The following NALCN variants were observed in gnomAD, a reference collection of about 807,000 sequenced individuals.
NALCN encodes the protein sodium leak channel NALCN.
Under a neutral mutation model 225.3 loss-of-function variants are expected in NALCN, and 111 were observed. That is an observed-to-expected ratio of 0.49 (90% confidence interval 0.42 to 0.58). NALCN has a LOEUF of 0.58. Ranked by LOEUF, NALCN falls within the 20% of genes least tolerant of loss-of-function variation. The pLI, the probability that NALCN is intolerant of heterozygous loss-of-function variation, is 0.00. For missense variants in NALCN, 1,378 were observed against 2,202.4 expected (o/e 0.63, Z 7.49); for synonymous variants, 764 against 769.0 (o/e 0.99, Z 0.11).
intron 1 of NALCN, among the ~76,000 whole-genome samples, chr13:101,407,025 G>A (rs76285093): frequency 0.022 from 3,408 of 152,260 alleles, 113 homozygotes; most frequent in East Asian, 0.11. Context: ...AAGAATGTAT[G>A]TAATTTTTTA....
intron 13 of NALCN, among the ~76,000 whole-genome samples, chr13:101,209,676 T>C (rs940079009): frequency 5.9e-5 from 9 of 152,216 alleles, no homozygotes; most frequent in African/African-American, 2.2e-4. Context: ...TAGTGAGTAA[T>C]ACAGGAAAGT....
chr13:101,346,057 T>TTCTCTCTCTCTCTCTCTCTC (rs767899309), intron 6 of NALCN, among the ~76,000 whole-genome samples: 34 of 75,524 alleles, frequency 4.5e-4, no homozygotes, highest in Middle Eastern at 9.1e-3. Flanking sequence ...TTGAGAGACT[T>TTCTCTCTCTCTCTCTCTCTC]TCTCTCTCTC....
intron 15 of NALCN, among the ~76,000 whole-genome samples, chr13:101,161,741 G>T (rs569651490): frequency 6.6e-6 from 1 of 152,080 alleles, no homozygotes; most frequent in Non-Finnish European, 1.5e-5. Context: ...GAGTGGTGGC[G>T]CACGCCTGTA....
intron 15 of NALCN, among the ~76,000 whole-genome samples, chr13:101,174,849 T>C (rs1594365701): frequency 6.6e-6 from 1 of 152,288 alleles, no homozygotes; most frequent in East Asian, 1.9e-4. Context: ...TCTCAGAGGA[T>C]AGTACATATC....
chr13:101,235,851 G>A (rs1292722070), intron 12 of NALCN, among the ~76,000 whole-genome samples: 1 of 152,156 alleles, frequency 6.6e-6, no homozygotes, highest in Non-Finnish European at 1.5e-5. Flanking sequence ...GGTACTAAAA[G>A]TGTCTAGTTA....
chr13:101,133,897 C>T (rs1003470424), intron 17 of NALCN, among the ~76,000 whole-genome samples: 5 of 152,198 alleles, frequency 3.3e-5, no homozygotes, highest in Admixed American at 6.5e-5. Context: ...AGGCCAGGTG[C>T]GGTGGCTCAC....
Position 101,321,584 on chromosome 13 carries a change from T to C in NALCN, c.799+23682A>G, listed in dbSNP as rs572929745. ...TTCAAATACAGAACTATTCCCATGG[T>C]ACACAAGGAGACTCATGCAAGTATA... On this transcript the variant is annotated intron_variant, in intron 7 of 43. Transcript: ENST00000251127. Among the ~76,000 whole-genome samples, 3 of 152,236 alleles carry C rather than the reference T, an allele frequency of 2.0e-5. No individual in the cohort carries two copies. The East Asian group carries it at 5.8e-4, about 29-fold the overall frequency.
Position 101,360,125 on chromosome 13 carries a change from CTTTTTTCTTTCTTTCTCTCT to C in NALCN, c.645-14725_645-14706del, listed in dbSNP as rs1336161537. On this transcript the variant is annotated intron_variant, in intron 6 of 43. Coordinates refer to ENST00000251127, the MANE Select transcript of NALCN (RefSeq NM_052867.4). ...TTCTCTTTCTCTTTTTCTTTCCTTT[CTTTTTTCTTTCTTTCTCTCT>C]TTTTTTCTTTCTTTCTTTCTCTTTC... Among the ~76,000 whole-genome samples the C allele has an allele frequency of 4.4e-3, 607 of 138,984 alleles. 5 individuals are homozygous for C. Among genetic ancestry groups the C allele is most frequent in the African/African-American group, 0.016 (577 of 35,740 alleles). The allele number at this position is 138,984 out of a possible 152,430, so 91.2% of individuals were successfully genotyped here. A position where few individuals can be genotyped will look rare whatever the true frequency, so the allele number is the denominator to read the frequency against.
At chr13:101,341,216 A>T (rs940288622) in intron 7 of NALCN, among the ~76,000 whole-genome samples, 4 of 152,200 alleles carry the variant, frequency 2.6e-5, no homozygotes, top group Non-Finnish European at 5.9e-5. Flanking sequence ...TCATGATAAG[A>T]AATTCTTGAT....
intron 7 of NALCN, among the ~76,000 whole-genome samples, chr13:101,305,537 C>G (rs1015180953): frequency 2.0e-5 from 3 of 152,160 alleles, no homozygotes; most frequent in Non-Finnish European, 4.4e-5. Flanking sequence ...GAATTCACAA[C>G]TACCTCATAC....
chr13:101,162,673 A>T (rs2038245659), intron 15 of NALCN, among the ~76,000 whole-genome samples: 1 of 152,230 alleles, frequency 6.6e-6, no homozygotes, highest in African/African-American at 2.4e-5. Flanking sequence ...ACTGCCTGTG[A>T]CAGGATCTGA....
At chr13:101,058,429 GTCT>G in intron 42 of NALCN, 40 of 156,828 alleles carry the variant, frequency 2.6e-4, no homozygotes, top group South Asian at 9.2e-4. Flanking sequence ...GGCGGGGGCA[GTCT>G]ACTGTCACCA....
intron 13 of NALCN, among the ~76,000 whole-genome samples, chr13:101,203,472 T>G (rs1308144733): frequency 6.6e-6 from 1 of 152,124 alleles, no homozygotes; most frequent in Admixed American, 6.5e-5. Flanking sequence ...CCACCTCAGC[T>G]TCCCAAAGTG....
At chr13:101,240,951 G>A (rs953887569) in intron 11 of NALCN, among the ~76,000 whole-genome samples, 4 of 152,032 alleles carry the variant, frequency 2.6e-5, no homozygotes, top group Non-Finnish European at 5.9e-5. Flanking sequence ...TGTGAAATTG[G>A]CCTATAGTTT....
chr13:101,355,716 A>T (rs529260638), intron 6 of NALCN, among the ~76,000 whole-genome samples: 19 of 152,308 alleles, frequency 1.2e-4, no homozygotes, highest in South Asian at 1.0e-3. Context: ...ACATCTATAG[A>T]ACTCTCAACC....
rs758646676 is a variant in NALCN, at chr13:101,192,006, C to T, written c.1675G>A (p.Val559Ile). Reference sequence around the variant, plus strand: ...ACAGCATTTAGAGTTTGGTCCATTACGTCCACCCATCCTTCCTGGGTGAGG... The same window carrying T: ...ACAGCATTTAGAGTTTGGTCCATTATGTCCACCCATCCTTCCTGGGTGAGG... ...QILTQEGWVD[V>I]MDQTLNAVGH... The change falls in exon 14 of 44, where the codon GTA (valine) becomes ATA (isoleucine). Residue 559 changes from valine to isoleucine, a missense_variant. Coordinates refer to ENST00000251127, the MANE Select transcript of NALCN (RefSeq NM_052867.4). The T allele has an allele frequency of 2.4e-5, 39 of 1,596,902 alleles. No homozygotes were observed. Among genetic ancestry groups the T allele is most frequent in the East Asian group, 6.8e-5 (3 of 44,012 alleles).
intron 7 of NALCN, among the ~76,000 whole-genome samples, chr13:101,318,757 T>G (rs1282636787): frequency 1.3e-5 from 2 of 152,178 alleles, no homozygotes; most frequent in African/African-American, 2.4e-5. Context: ...GCCCTAAAAC[T>G]CAAAACTGAT....
At chr13:101,122,579 C>T (rs1303139490) in intron 18 of NALCN, among the ~76,000 whole-genome samples, 4 of 152,036 alleles carry the variant, frequency 2.6e-5, no homozygotes, top group African/African-American at 7.2e-5. Context: ...CAACTATATC[C>T]CTCTTGCACC....
chr13:101,405,383 T>C (rs1327066965), intron 1 of NALCN, among the ~76,000 whole-genome samples: 1 of 152,210 alleles, frequency 6.6e-6, no homozygotes, highest in East Asian at 1.9e-4. Context: ...TATTATCTGT[T>C]ATCCAACATC....
Sources: allele counts gnomAD v4.1 joint callset (sites outside exome capture counted in the v4.1 genomes callset), GRCh38; gene constraint gnomAD v4.1.1; transcripts MANE v1.5; gene names NCBI Gene and HGNC (gene_info 2026-07-23, HGNC 2026-07-21).